The following CNTNAP2 variants were observed in gnomAD, a reference collection of about 807,000 sequenced individuals.
CNTNAP2 encodes the protein contactin-associated protein-like 2.
CNTNAP2 carries 98 observed loss-of-function variants against 155.2 expected under a neutral mutation model. The ratio of observed to expected loss-of-function variants is 0.63; its 90% CI spans 0.54 to 0.75. The LOEUF is 0.75. Among genes scored for constraint, CNTNAP2 ranks in the 30% least tolerant of loss-of-function variants. The pLI, the probability that CNTNAP2 is intolerant of heterozygous loss-of-function variation, is 0.00. For missense variants in CNTNAP2, 1,727 were observed against 1,688.1 expected, an observed-to-expected ratio of 1.02 and a Z score of -0.40; for synonymous variants, 651 against 631.2, an observed-to-expected ratio of 1.03 and a Z score of -0.47.
At chr7:147,789,017 G>T (rs1462752682) in intron 13 of CNTNAP2, among the ~76,000 whole-genome samples, 1 of 143,356 alleles carries the variant, frequency 7.0e-6, no homozygotes, top group Non-Finnish European at 1.5e-5. Flanking sequence ...AAATTCTCCT[G>T]CCTCAGCCTC....
intron 10 of CNTNAP2, among the ~76,000 whole-genome samples, chr7:147,432,551 C>T (rs1160679180): frequency 6.6e-6 from 1 of 152,182 alleles, no homozygotes; most frequent in Non-Finnish European, 1.5e-5. Flanking sequence ...CTAAAATATG[C>T]TTCACAAAAT....
At position 146,238,638 on chromosome 7, in the gene CNTNAP2, G is replaced by C. The variant is rs901897194; in HGVS notation, c.97+121665G>C. Among the ~76,000 whole-genome samples, 4 of 152,172 alleles carry C rather than the reference G, an allele frequency of 2.6e-5. No homozygotes were observed. In the East Asian group the frequency reaches 5.8e-4, roughly 22 times the overall value. ...CAGAGGGAATGCAATTCGAGCATAA[G>C]AAGAAACACGAGAGTATTATGCTGT... On this transcript the variant is annotated intron_variant, in intron 1 of 23. Transcript: ENST00000361727.
intron 13 of CNTNAP2, among the ~76,000 whole-genome samples, chr7:147,901,368 C>G (rs1799864612): frequency 6.6e-6 from 1 of 152,156 alleles, no homozygotes; most frequent in Admixed American, 6.6e-5. Flanking sequence ...GTTCAAACGT[C>G]TTAAATTGGG....
At chr7:146,740,941 C>T (rs186116750) in intron 1 of CNTNAP2, among the ~76,000 whole-genome samples, 1 of 152,230 alleles carries the variant, frequency 6.6e-6, no homozygotes, top group East Asian at 1.9e-4. Flanking sequence ...CTGGTGAGAC[C>T]TGGTGTCCTG....
intron 13 of CNTNAP2, among the ~76,000 whole-genome samples, chr7:147,858,780 T>C (rs1199741562): frequency 6.6e-6 from 1 of 152,176 alleles, no homozygotes; most frequent in Non-Finnish European, 1.5e-5. Flanking sequence ...TAAGGATTGC[T>C]GGCAACTACC....
intron 3 of CNTNAP2, among the ~76,000 whole-genome samples, chr7:146,976,001 C>A (rs897676566): frequency 1.3e-5 from 2 of 152,058 alleles, no homozygotes; most frequent in African/African-American, 2.4e-5. Flanking sequence ...AGCGAAGAAA[C>A]CGGTATGTAA....
chr7:147,704,110 A>C (rs1426190381), intron 13 of CNTNAP2, among the ~76,000 whole-genome samples: 2 of 152,118 alleles, frequency 1.3e-5, no homozygotes, highest in African/African-American at 4.8e-5. Flanking sequence ...ATAGTATTCC[A>C]TTGTGTACAT....
At chr7:146,960,896 G>T (rs1448400927) in intron 3 of CNTNAP2, among the ~76,000 whole-genome samples, 3 of 152,096 alleles carry the variant, frequency 2.0e-5, no homozygotes, top group Non-Finnish European at 4.4e-5. Context: ...TTAGGTTCCA[G>T]AGACCAGTAG....
chr7:147,874,842 A>G (rs1799395682), intron 13 of CNTNAP2, among the ~76,000 whole-genome samples: 1 of 152,142 alleles, frequency 6.6e-6, no homozygotes, highest in Non-Finnish European at 1.5e-5. Flanking sequence ...CAGATACCCT[A>G]AATTATCTCA....
intron 13 of CNTNAP2, among the ~76,000 whole-genome samples, chr7:147,884,939 C>A (rs762410720): frequency 6.6e-6 from 1 of 152,182 alleles, no homozygotes; most frequent in Non-Finnish European, 1.5e-5. Context: ...CACTAAATAG[C>A]AGGCTTGATA....
At chr7:147,739,123 T>G (rs1027462581) in intron 13 of CNTNAP2, among the ~76,000 whole-genome samples, 6 of 151,222 alleles carry the variant, frequency 4.0e-5, no homozygotes, top group African/African-American at 1.5e-4. Context: ...CTCCTGCAAG[T>G]CATTTTGTCT....
At chr7:147,356,947 T>G (rs1461815044) in intron 9 of CNTNAP2, among the ~76,000 whole-genome samples, 1 of 152,118 alleles carries the variant, frequency 6.6e-6, no homozygotes, top group Non-Finnish European at 1.5e-5. Flanking sequence ...TAGTGACATC[T>G]GGAAAGTCAT....
chr7:147,428,779 G>A (rs1169712876), intron 10 of CNTNAP2, among the ~76,000 whole-genome samples: 3 of 152,002 alleles, frequency 2.0e-5, no homozygotes, highest in Admixed American at 2.0e-4. Flanking sequence ...TGATTTTGTT[G>A]CTGTTGTTTT....
intron 1 of CNTNAP2, among the ~76,000 whole-genome samples, chr7:146,471,884 G>A (rs1031985730): frequency 6.6e-6 from 1 of 151,896 alleles, no homozygotes; most frequent in African/African-American, 2.4e-5. Context: ...CACTTTTTTT[G>A]TGGGAAATGG....
At chr7:146,567,045 A>G (rs1365616207) in intron 1 of CNTNAP2, among the ~76,000 whole-genome samples, 1 of 152,236 alleles carries the variant, frequency 6.6e-6, no homozygotes, top group Non-Finnish European at 1.5e-5. Flanking sequence ...TTCCTGGTTT[A>G]AGTGATGGGA....
chr7:147,894,633 T>C (rs1799746928), intron 13 of CNTNAP2, among the ~76,000 whole-genome samples: 1 of 152,198 alleles, frequency 6.6e-6, no homozygotes, highest in Admixed American at 6.5e-5. Context: ...CTTTTACGTT[T>C]TCATTTTGGA....
At chr7:148,244,220 G>A (rs1366250842) in intron 20 of CNTNAP2, among the ~76,000 whole-genome samples, 5 of 152,348 alleles carry the variant, frequency 3.3e-5, no homozygotes, top group Non-Finnish European at 5.9e-5. Flanking sequence ...AGAGCTGTAT[G>A]TCATCACAGA....
At chr7:148,233,878 G>A (rs151005870) in intron 20 of CNTNAP2, among the ~76,000 whole-genome samples, 3 of 152,304 alleles carry the variant, frequency 2.0e-5, no homozygotes, top group Admixed American at 6.5e-5. Context: ...AGATGTTCTT[G>A]TGATAGTGAG....
intron 1 of CNTNAP2, among the ~76,000 whole-genome samples, chr7:146,703,749 C>T (rs933084387): frequency 1.1e-4 from 17 of 152,066 alleles, no homozygotes; most frequent in African/African-American, 2.9e-4. Flanking sequence ...GTTCTCATGA[C>T]CTGATCACCT....
Sources: allele counts gnomAD v4.1 joint callset (sites outside exome capture counted in the v4.1 genomes callset), GRCh38; gene constraint gnomAD v4.1.1; transcripts MANE v1.5; gene names NCBI Gene and HGNC (gene_info 2026-07-23, HGNC 2026-07-21).